DHRS13: variants seen among roughly 807,000 people sequenced by gnomAD.
DHRS13 encodes dehydrogenase/reductase 13, also known as dehydrogenase/reductase SDR family member 13.
Under a neutral mutation model 17.9 loss-of-function variants are expected in DHRS13, and 22 were observed. That is an observed-to-expected ratio of 1.23 (90% confidence interval 0.88 to 1.75). The LOEUF is 1.75. DHRS13 is among the 40% of genes most tolerant of loss of function. The pLI, the probability that DHRS13 is intolerant of heterozygous loss-of-function variation, is 0.00. For missense variants in DHRS13, 483 were observed against 519.9 expected (o/e 0.93, Z 0.69); for synonymous variants, 206 against 220.4 (o/e 0.93, Z 0.58).
In DHRS13 at chr17:28,902,035, C is replaced by T; in HGVS notation, c.247-419G>A. 2 of 179,008 alleles carry T rather than the reference C, an allele frequency of 1.1e-5. 1 individual carries two copies. The highest frequency in any genetic ancestry group is 2.4e-5 in the Non-Finnish European group (2 of 83,976). 11.1% of individuals were successfully genotyped at this position (179,008 alleles called of 1,614,324 possible). On this transcript the variant is annotated intron_variant, in intron 2 of 4. Transcript: ENST00000378895. The surrounding 1 kb of genome is among the most constrained non-coding windows in gnomAD (Gnocchi z 4.0). ...GTCTCCTCTCTCCCGCTCTTGCCCC[C>T]CCACTCCAGGCACCACGCAGCCACA...
rs1337605793 is a variant in DHRS13, at chr17:28,901,362, C to T, written c.371-61G>A. ...AAGGAGCTCTGCAGCCTTGGCATCC[C>T]TATCTATGAGATGGGAGAAGGGGGC... On this transcript the variant is annotated intron_variant, in intron 3 of 4. Transcript: ENST00000378895. This position sits in a 1 kb window ranked among gnomAD's most constrained non-coding sequence, Gnocchi z 4.3. 9 of 1,583,100 alleles carry T rather than the reference C, an allele frequency of 5.7e-6. No individual in the cohort carries two copies. Among genetic ancestry groups the T allele is most frequent in the East Asian group, 4.5e-5 (2 of 44,638 alleles).
chr17:28,897,901 G>A lies in DHRS13; in HGVS notation c.*540C>T. ...ACCTCGATACCAGCTGCCCTGCCCT[G>A]ACTCACTTCTCAGCACCCATCTTAC... is the stretch of plus-strand genomic sequence containing the variant. On this transcript the variant is annotated 3_prime_UTR_variant, in exon 5 of 5. Coordinates refer to ENST00000378895, the MANE Select transcript of DHRS13 (RefSeq NM_144683.4). This position sits in a 1 kb window ranked among gnomAD's most constrained non-coding sequence, Gnocchi z 4.4. 1 of 224,356 alleles carries A rather than the reference G, an allele frequency of 4.5e-6. No individual in the cohort carries two copies. The highest frequency in any genetic ancestry group is 8.6e-6 in the Non-Finnish European group (1 of 116,512). 13.9% of individuals were successfully genotyped at this position (224,356 alleles called of 1,614,324 possible).
At position 28,901,233 on chromosome 17, in the gene DHRS13, A is replaced by G. The variant is rs769890272; in HGVS notation, c.439T>C (p.Phe147Leu). 5.6e-6 allele frequency: 9 copies of G among 1,614,090 alleles called. No individual in the cohort carries two copies. Among genetic ancestry groups the G allele is most frequent in the Non-Finnish European group, 7.6e-6 (9 of 1,180,036 alleles). ...LLLRVNHIGP[F>L]LLTHLLLPCL... ...GGCAGCAGCAGATGTGTCAGCAGAA[A>G]GGGACCGATATGGTTCACCCGAAGC... The change falls in exon 4 of 5, where the codon TTT becomes CTT. Residue 147 changes from phenylalanine (F) to leucine (L), a missense_variant. Phe to Leu is a conservative substitution (Grantham distance 22). Transcript: ENST00000378895. The surrounding 1 kb of genome is among the most constrained non-coding windows in gnomAD (Gnocchi z 4.3).
Position 28,902,442 on chromosome 17 carries a change from C to A in DHRS13, c.246+141G>T. 1.1e-6 allele frequency: 1 copy of A among 912,818 alleles called. No homozygotes were observed. Among genetic ancestry groups the A allele is most frequent in the Admixed American group, 4.3e-5 (1 of 23,494 alleles). The allele number at this position is 912,818 out of a possible 1,614,324, so 56.5% of individuals were successfully genotyped here. Reference sequence around the variant, plus strand: ...GCCTTCCTCGGGTGACCCCAGCGCTCCGTGCACTCCCTCTTCGCGCTCAGC... The same window carrying A: ...GCCTTCCTCGGGTGACCCCAGCGCTACGTGCACTCCCTCTTCGCGCTCAGC... On this transcript the variant is annotated intron_variant, in intron 2 of 4. Coordinates refer to ENST00000378895, the MANE Select transcript of DHRS13 (RefSeq NM_144683.4). This position sits in a 1 kb window ranked among gnomAD's most constrained non-coding sequence, Gnocchi z 4.0.
Position 28,902,360 on chromosome 17 carries a change from G to A in DHRS13, c.246+223C>T, listed in dbSNP as rs574866488. Among the ~76,000 whole-genome samples, 47 of 152,240 alleles carry A rather than the reference G, an allele frequency of 3.1e-4. No individual in the cohort carries two copies. Among genetic ancestry groups the A allele is most frequent in the African/African-American group, 1.1e-3 (45 of 41,528 alleles). On this transcript the variant is annotated intron_variant, in intron 2 of 4. Transcript: ENST00000378895. This position sits in a 1 kb window ranked among gnomAD's most constrained non-coding sequence, Gnocchi z 4.0. ...ACCCAACTTCTACTGATGCTTAAACGTCTCAGAACTGCAATTACGGCCTTC... is the reference window on the plus strand; with the variant it reads ...ACCCAACTTCTACTGATGCTTAAACATCTCAGAACTGCAATTACGGCCTTC...
chr17:28,901,361 CCTAT>C lies in DHRS13; in HGVS notation c.371-64_371-61del. ...GAAGGAGCTCTGCAGCCTTGGCATC[CCTAT>C]CTATGAGATGGGAGAAGGGGGCATC... On this transcript the variant is annotated intron_variant, in intron 3 of 4. Coordinates refer to ENST00000378895, the MANE Select transcript of DHRS13 (RefSeq NM_144683.4). This position sits in a 1 kb window ranked among gnomAD's most constrained non-coding sequence, Gnocchi z 4.3. 1 of 1,581,098 alleles carries C rather than the reference CCTAT, an allele frequency of 6.3e-7. No individual in the cohort carries two copies. The highest frequency in any genetic ancestry group is 8.6e-7 in the Non-Finnish European group (1 of 1,162,264).
Position 28,898,815 on chromosome 17 carries a change from C to A in DHRS13, c.760G>T (p.Val254Leu), listed in dbSNP as rs771360060. The change falls in exon 5 of 5, where the codon GTG becomes TTG. Residue 254 changes from valine (V) to leucine (L), a missense_variant. Physicochemically the swap from Val to Leu is conservative, Grantham distance 32. Coordinates refer to ENST00000378895, the MANE Select transcript of DHRS13 (RefSeq NM_144683.4). Reference sequence around the variant, plus strand: ...GCACCCCCTCTTGGTGCCCGGAGCACCAGCCAAGCCAATGGGCGCAAAAGT... The same window carrying A: ...GCACCCCCTCTTGGTGCCCGGAGCAACAGCCAAGCCAATGGGCGCAAAAGT... ...RPLLRPLAWL[V>L]LRAPRGGAQT... 20 of 1,609,208 alleles carry A rather than the reference C, an allele frequency of 1.2e-5. No individual in the cohort carries two copies. The highest frequency in any genetic ancestry group is 1.7e-5 in the Admixed American group (1 of 59,412).
rs376838348 is a variant in DHRS13 at position 28,902,815 on chromosome 17, C to T, written c.127+3G>A. ...GCTCGCACTCACCCGCCTCCGCACT[C>T]ACCCGTGACCACGGCCGTGCGGCCC... On this transcript the variant is annotated splice_donor_region_variant and intron_variant, in intron 1 of 4. Coordinates refer to ENST00000378895, the MANE Select transcript of DHRS13 (RefSeq NM_144683.4). This position sits in a 1 kb window ranked among gnomAD's most constrained non-coding sequence, Gnocchi z 4.0. The T allele has an allele frequency of 6.5e-7, 1 of 1,533,946 alleles. No individual in the cohort carries two copies. The highest frequency in any genetic ancestry group is 1.2e-5 in the South Asian group (1 of 85,238).
chr17:28,900,926 TG>T (rs976197847), intron 4 of DHRS13, 63 bp downstream of exon 4: 2 of 1,498,926 alleles, frequency 1.3e-6, no homozygotes, highest in Non-Finnish European at 1.8e-6. Context: ...GGTAGTGGTG[TG>T]GGGGGCACAG....
rs930930313 is a variant in DHRS13 at position 28,898,322 on chromosome 17, C to G, written c.*119G>C. The G allele has an allele frequency of 1.8e-5, 22 of 1,239,504 alleles. No individual in the cohort carries two copies. Among genetic ancestry groups the G allele is most frequent in the Non-Finnish European group, 2.4e-5 (22 of 898,328 alleles). The allele number at this position is 1,239,504 out of a possible 1,614,324, so 76.8% of individuals were successfully genotyped here. Reference sequence around the variant, plus strand: ...GATGTCCAGGGCACAGCTTGGGGCCCCAGAAAGTAACCACGGAGGTCAAGA... The same window carrying G: ...GATGTCCAGGGCACAGCTTGGGGCCGCAGAAAGTAACCACGGAGGTCAAGA... On this transcript the variant is annotated 3_prime_UTR_variant, in exon 5 of 5. Transcript: ENST00000378895.
At position 28,898,581 on chromosome 17, in the gene DHRS13, CCT is replaced by C. The variant is rs1567941311; in HGVS notation, c.992_993del (p.Glu331GlyfsTer11). 5 of 1,612,420 alleles carry C rather than the reference CCT, an allele frequency of 3.1e-6. No homozygotes were observed. Among genetic ancestry groups the C allele is most frequent in the Admixed American group, 1.7e-5 (1 of 59,470 alleles). ...PDEDPQSEDS[E>X]APSSLSTPHP... ...TGGGGGGTGCTTAGAGAAGATGGGGCCTCTGAGTCCTCAGACTGGGGGTCTTC... is the reference window on the plus strand; with the variant it reads ...TGGGGGGTGCTTAGAGAAGATGGGGCCTGAGTCCTCAGACTGGGGGTCTTC... On this transcript the variant is annotated frameshift_variant, in exon 5 of 5. Coordinates refer to ENST00000378895, the MANE Select transcript of DHRS13 (RefSeq NM_144683.4). LOFTEE classifies it low-confidence loss of function (END_TRUNC).
At position 28,899,652 on chromosome 17, in the gene DHRS13, A is replaced by T. The variant is rs2039791593; in HGVS notation, c.683-760T>A. 6.6e-6 allele frequency: 1 copy of T among 152,390 alleles called. No homozygotes were observed. The highest frequency in any genetic ancestry group is 1.5e-5 in the Non-Finnish European group (1 of 68,182). The allele number at this position is 152,390 out of a possible 1,614,324, so 9.4% of individuals were successfully genotyped here. A position where few individuals can be genotyped will look rare whatever the true frequency, so the allele number is the denominator to read the frequency against. On this transcript the variant is annotated intron_variant, in intron 4 of 4. Coordinates refer to ENST00000378895, the MANE Select transcript of DHRS13 (RefSeq NM_144683.4). This position sits in a 1 kb window ranked among gnomAD's most constrained non-coding sequence, Gnocchi z 4.7. ...CCACTCTCCCCCCTCACTCTGTTCC[A>T]GCCACATTAGCCTTTCTCAAGCACA...
rs2039774838 is a variant in DHRS13 at position 28,898,145 on chromosome 17, A to C, written c.*296T>G. On this transcript the variant is annotated 3_prime_UTR_variant, in exon 5 of 5. Coordinates refer to ENST00000378895, the MANE Select transcript of DHRS13 (RefSeq NM_144683.4). ...TGCAAACTCCCTGCCTCTGCTCCAG[A>C]GCTGATCAGAATCAATAAGGGTGGG... 2 of 427,054 alleles carry C rather than the reference A, an allele frequency of 4.7e-6. No homozygotes were observed. Among genetic ancestry groups the C allele is most frequent in the South Asian group, 5.5e-5 (2 of 36,056 alleles). The allele number at this position is 427,054 out of a possible 1,614,324, so 26.5% of individuals were successfully genotyped here. A position where few individuals can be genotyped will look rare whatever the true frequency, so the allele number is the denominator to read the frequency against.
Position 28,901,552 on chromosome 17 carries a change from G to T in DHRS13, c.311C>A (p.Ala104Asp), listed in dbSNP as rs773356578. Reference sequence around the variant, plus strand: ...AGAGCTCAGAAAGGCAGTGGCAAAGGCCCGCACCGAGGCCAGACTGGCCAA... The same window carrying T: ...AGAGCTCAGAAAGGCAGTGGCAAAGTCCCGCACCGAGGCCAGACTGGCCAA... ...LDLASLASVR[A>D]FATAFLSSEP... Residue 104 changes from alanine (A) to aspartate (D), a missense_variant, in exon 3 of 5, where the codon GCC (alanine) becomes GAC (aspartate). Transcript: ENST00000378895. The surrounding 1 kb of genome is among the most constrained non-coding windows in gnomAD (Gnocchi z 4.3). The T allele has an allele frequency of 6.2e-6, 10 of 1,614,106 alleles. No individual in the cohort carries two copies. The highest frequency in any genetic ancestry group is 2.2e-5 in the East Asian group (1 of 44,900).
At chr17:28,898,965 G>C (rs956745634) in intron 4 of DHRS13, 73 bp from the exon 5 acceptor site, 29 of 1,433,224 alleles carry the variant, frequency 2.0e-5, no homozygotes, top group Non-Finnish European at 5.6e-6. Context: ...CTACTCGGGA[G>C]GCGGAGCAGG....
rs1210288253 is a variant in DHRS13, at chr17:28,898,380, C to T, written c.*61G>A. 1.8e-5 allele frequency: 28 copies of T among 1,520,464 alleles called. No individual in the cohort carries two copies. In the East Asian group the frequency reaches 2.7e-4, roughly 15 times the overall value. The allele number at this position is 1,520,464 out of a possible 1,614,324, so 94.2% of individuals were successfully genotyped here. Reference sequence around the variant, plus strand: ...CCCGTCAGTGTCCAGGGCATGGCCTCGCACACATCCGAGGTTTTCAAGGAC... The same window carrying T: ...CCCGTCAGTGTCCAGGGCATGGCCTTGCACACATCCGAGGTTTTCAAGGAC... On this transcript the variant is annotated 3_prime_UTR_variant, in exon 5 of 5. Coordinates refer to ENST00000378895, the MANE Select transcript of DHRS13 (RefSeq NM_144683.4).
In DHRS13 at chr17:28,897,939, T is replaced by A. The variant is rs1198177164; in HGVS notation, c.*502A>T. The stretch of plus-strand genomic sequence containing the variant: ...GCACCCATCTTACGGCAGTCGGCCC[T>A]GGCCTCAGACCCTTGGGTTCAGATC... On this transcript the variant is annotated 3_prime_UTR_variant, in exon 5 of 5. Coordinates refer to ENST00000378895, the MANE Select transcript of DHRS13 (RefSeq NM_144683.4). The surrounding 1 kb of genome is among the most constrained non-coding windows in gnomAD (Gnocchi z 4.4). 1.5e-5 allele frequency: 3 copies of A among 205,398 alleles called. No individual in the cohort carries two copies. 12.7% of individuals were successfully genotyped at this position (205,398 alleles called of 1,614,324 possible). A position where few individuals can be genotyped will look rare whatever the true frequency, so the allele number is the denominator to read the frequency against.
At position 28,899,107 on chromosome 17, in the gene DHRS13, G is replaced by A; in HGVS notation, c.683-215C>T. On this transcript the variant is annotated intron_variant, in intron 4 of 4. Coordinates refer to ENST00000378895, the MANE Select transcript of DHRS13 (RefSeq NM_144683.4). The surrounding 1 kb of genome is among the most constrained non-coding windows in gnomAD (Gnocchi z 4.7). Reference sequence around the variant, plus strand: ...AACAGGGACAGAATCTGGTTTCAAGGGAACCAGGATAGTATTTACCAGGCA... The same window carrying A: ...AACAGGGACAGAATCTGGTTTCAAGAGAACCAGGATAGTATTTACCAGGCA... The A allele has an allele frequency of 1.9e-6, 1 of 526,570 alleles. No homozygotes were observed. Among genetic ancestry groups the A allele is most frequent in the Non-Finnish European group, 3.3e-6 (1 of 304,406 alleles). 32.6% of individuals were successfully genotyped at this position (526,570 alleles called of 1,614,324 possible).
Position 28,901,032 on chromosome 17 carries a change from G to A in DHRS13, c.640C>T (p.Gln214Ter). Residue 214 changes from glutamine to a stop codon, truncating the protein, a stop_gained, in exon 4 of 5, where the codon CAG (glutamine) becomes TAG (stop). Transcript: ENST00000378895. LOFTEE classifies it high-confidence loss of function. This position sits in a 1 kb window ranked among gnomAD's most constrained non-coding sequence, Gnocchi z 4.3. ...NVLFARELAN[Q>*]LEATGVTCYA... The stretch of plus-strand genomic sequence containing the variant: ...CAGGTGACGCCAGTGGCCTCAAGCT[G>A]GTTGGCGAGCTCCCGGGCAAACAGT... The A allele has an allele frequency of 1.2e-6, 2 of 1,611,436 alleles. No individual in the cohort carries two copies. Among genetic ancestry groups the A allele is most frequent in the Non-Finnish European group, 1.7e-6 (2 of 1,178,010 alleles).
Sources: gnomAD v4.1 joint callset for allele counts (sites outside exome capture counted in the v4.1 genomes callset) on GRCh38, gnomAD v4.1.1 for gene constraint, Gnocchi (gnomAD v3.1) non-coding constraint, MANE v1.5 for transcripts, NCBI Gene and HGNC (gene_info 2026-07-23, HGNC 2026-07-21) for gene names.